The following PLEKHH2 variants were observed in gnomAD, a reference collection of about 807,000 sequenced individuals.
The protein encoded by PLEKHH2 is pleckstrin homology, MyTH4 and FERM domain containing H2.
Under a neutral mutation model 187.9 loss-of-function variants are expected in PLEKHH2, and 129 were observed. The observed-to-expected ratio is 0.69, with a 90% CI of 0.59 to 0.79. The LOEUF is 0.79. Ranked by LOEUF, PLEKHH2 falls within the 30% of genes least tolerant of loss-of-function variation. The probability of loss-of-function intolerance (pLI) is 0.00; values close to 1 mark genes in which losing one functional copy is unlikely to be tolerated. For missense variants in PLEKHH2, 2,076 were observed against 1,751.2 expected (o/e 1.19, Z -3.31); for synonymous variants, 686 against 605.6 (o/e 1.13, Z -1.95).
At chr2:43,723,667 C>T (rs1237752908) in intron 16 of PLEKHH2, among the ~76,000 whole-genome samples, 1 of 152,168 alleles carries the variant, frequency 6.6e-6, no homozygotes, top group Non-Finnish European at 1.5e-5. Context: ...CCTTCTTGCA[C>T]CTGCTGCTTT....
chr2:43,670,057 C>G (rs367988431), intron 2 of PLEKHH2, among the ~76,000 whole-genome samples: 2 of 151,994 alleles, frequency 1.3e-5, no homozygotes, highest in East Asian at 3.8e-4. Context: ...GAACATCAAC[C>G]TAGAATGACC....
chr2:43,755,334 A>G (rs1403188629), intron 25 of PLEKHH2, among the ~76,000 whole-genome samples: 1 of 151,944 alleles, frequency 6.6e-6, no homozygotes, highest in Non-Finnish European at 1.5e-5. Flanking sequence ...ACCAGTCACC[A>G]CATCCTGCGA....
chr2:43,751,387 T>C (rs1672003793), intron 24 of PLEKHH2, among the ~76,000 whole-genome samples: 2 of 152,104 alleles, frequency 1.3e-5, no homozygotes, highest in African/African-American at 2.4e-5. Flanking sequence ...AGAGAGAGAT[T>C]GCAGGCTTTC....
Position 43,707,528 on chromosome 2 carries a change from C to T in PLEKHH2, c.1949C>T (p.Pro650Leu), listed in dbSNP as rs1669722076. ...CGCAGTAGGAGTGGGCCAGGCAGCC[C>T]CAGAGCCATGAAACGAGGTGAGGGA... ...DSRSRSGPGS[P>L]RAMKRGVSLS... Residue 650 changes from proline (P) to leucine (L), a missense_variant, in exon 11 of 30, where the codon CCC (proline) becomes CTC (leucine). Physicochemically the swap from Pro to Leu is moderately conservative, Grantham distance 98. Coordinates refer to ENST00000282406, the MANE Select transcript of PLEKHH2 (RefSeq NM_172069.4). 13 of 1,613,794 alleles carry T rather than the reference C, an allele frequency of 8.1e-6. No individual in the cohort carries two copies. The highest frequency in any genetic ancestry group is 1.0e-5 in the Non-Finnish European group (12 of 1,179,884).
At chr2:43,638,612 A>G (rs1255808476) in intron 1 of PLEKHH2, among the ~76,000 whole-genome samples, 1 of 152,192 alleles carries the variant, frequency 6.6e-6, no homozygotes, top group Non-Finnish European at 1.5e-5. Flanking sequence ...TCTAGACATG[A>G]TAGATTCCTT....
intron 3 of PLEKHH2, chr2:43,681,512 C>G (rs1668183251): frequency 6.5e-7 from 1 of 1,531,616 alleles, no homozygotes. Flanking sequence ...TATCTTTGTG[C>G]AGCTGGCCAG....
chr2:43,712,055 T>C, intron 14 of PLEKHH2, 170 bp from the exon 15 acceptor site: 1 of 1,278,434 alleles, frequency 7.8e-7, no homozygotes, highest in South Asian at 1.7e-5. Flanking sequence ...TCTCACAAAG[T>C]GGTTAAAATA....
chr2:43,686,711 A>C (rs559834964), intron 3 of PLEKHH2, among the ~76,000 whole-genome samples: 1 of 152,356 alleles, frequency 6.6e-6, no homozygotes, highest in South Asian at 2.1e-4. Flanking sequence ...TGTGTTGTAA[A>C]TGTGATTAGA....
intron 24 of PLEKHH2, among the ~76,000 whole-genome samples, chr2:43,749,655 C>G (rs1671928313): frequency 6.6e-6 from 1 of 152,230 alleles, no homozygotes; most frequent in Non-Finnish European, 1.5e-5. Context: ...TAACAGAACT[C>G]TGAAATGGCT....
At chr2:43,640,880 G>A (rs1006277346) in intron 1 of PLEKHH2, among the ~76,000 whole-genome samples, 1 of 151,566 alleles carries the variant, frequency 6.6e-6, no homozygotes, top group Non-Finnish European at 1.5e-5. Context: ...GACCTCCTGG[G>A]CTCAAGTGAT....
At chr2:43,730,229 A>G (rs1670972805) in intron 18 of PLEKHH2, among the ~76,000 whole-genome samples, 2 of 152,214 alleles carry the variant, frequency 1.3e-5, no homozygotes, top group African/African-American at 4.8e-5. Flanking sequence ...ACACAAATTC[A>G]TAAACTTTCT....
intron 6 of PLEKHH2, among the ~76,000 whole-genome samples, chr2:43,695,467 A>G (rs1669041828): frequency 6.6e-6 from 1 of 152,248 alleles, no homozygotes; most frequent in South Asian, 2.1e-4. Flanking sequence ...TAGATCAGAA[A>G]AACATGACCA....
intron 2 of PLEKHH2, among the ~76,000 whole-genome samples, chr2:43,653,728 T>C (rs2104356415): frequency 6.6e-6 from 1 of 152,220 alleles, no homozygotes; most frequent in South Asian, 2.1e-4. Context: ...AAACCAGACG[T>C]GAACAAACAT....
intron 15 of PLEKHH2, 36 bp downstream of exon 15, chr2:43,712,419 G>A (rs368254815): frequency 5.0e-6 from 8 of 1,595,480 alleles, no homozygotes; most frequent in Non-Finnish European, 6.8e-6. Context: ...GTCCCAGGCA[G>A]CTATGGGCAT....
At chr2:43,671,448 C>G (rs1667494397) in intron 2 of PLEKHH2, among the ~76,000 whole-genome samples, 1 of 152,084 alleles carries the variant, frequency 6.6e-6, no homozygotes, top group Non-Finnish European at 1.5e-5. Flanking sequence ...TTCTTCCTTT[C>G]CAGTATATAT....
intron 3 of PLEKHH2, among the ~76,000 whole-genome samples, chr2:43,682,981 C>G (rs1185982389): frequency 1.3e-5 from 2 of 151,842 alleles, no homozygotes; most frequent in Non-Finnish European, 2.9e-5. Flanking sequence ...ATCCATTTGA[C>G]TTTTTATGGA....
intron 29 of PLEKHH2, 32 bp downstream of exon 29, chr2:43,764,397 T>A: frequency 6.2e-7 from 1 of 1,603,388 alleles, no homozygotes; most frequent in Non-Finnish European, 8.5e-7. Context: ...AACTTTTTTG[T>A]CCTAGTTGTT....
chr2:43,687,405 CCT>C, intron 3 of PLEKHH2, among the ~76,000 whole-genome samples: 1 of 152,250 alleles, frequency 6.6e-6, no homozygotes. Flanking sequence ...TTGATGGGCA[CCT>C]TGGTTGATTC....
intron 17 of PLEKHH2, among the ~76,000 whole-genome samples, chr2:43,726,770 G>C (rs1001563996): frequency 1.3e-5 from 2 of 151,962 alleles, no homozygotes; most frequent in South Asian, 4.1e-4. Flanking sequence ...TTATATTTTT[G>C]ACTAATTTTT....
Sources: gnomAD v4.1 joint callset for allele counts (sites outside exome capture counted in the v4.1 genomes callset) on GRCh38, gnomAD v4.1.1 for gene constraint, MANE v1.5 for transcripts, NCBI Gene and HGNC (gene_info 2026-07-23, HGNC 2026-07-21) for gene names.